Variants in GRB10 observed in about 807,000 individuals in gnomAD.
GRB10 encodes the protein growth factor receptor bound protein 10.
GRB10 carries 20 observed loss-of-function variants against 80.9 expected under a neutral mutation model. The observed-to-expected ratio is 0.25, with a 90% CI of 0.17 to 0.36. The LOEUF (loss-of-function observed/expected upper bound fraction) is 0.36. Ranked by LOEUF, GRB10 falls within the 10% of genes least tolerant of loss-of-function variation. The pLI, the probability that GRB10 is intolerant of heterozygous loss-of-function variation, is 1.00. For missense variants in GRB10, 548 were observed against 747.7 expected, an observed-to-expected ratio of 0.73 and a Z score of 3.12; for synonymous variants, 291 against 291.5, an observed-to-expected ratio of 1.00 and a Z score of 0.02.
At chr7:50,781,074 T>C (rs2078221294) in intron 1 of GRB10, 2 of 152,156 alleles carry the variant, frequency 1.3e-5, no homozygotes, top group African/African-American at 4.8e-5. Context: ...AATCGTGCAA[T>C]TACCATAACT....
intron 5 of GRB10, among the ~76,000 whole-genome samples, chr7:50,699,178 T>C (rs898567776): frequency 1.3e-5 from 2 of 152,192 alleles, no homozygotes; most frequent in African/African-American, 2.4e-5. Flanking sequence ...TGCTAACATA[T>C]CTGTGTAAAT....
chr7:50,604,634 T>C (rs1422474884), intron 15 of GRB10, among the ~76,000 whole-genome samples: 1 of 152,208 alleles, frequency 6.6e-6, no homozygotes, highest in East Asian at 1.9e-4. Flanking sequence ...AGACATACGA[T>C]GAAAACGCCA....
In GRB10 at chr7:50,780,740, A is replaced by C. The variant is rs2078193088; in HGVS notation, c.-326-4T>G. The C allele has an allele frequency of 6.6e-6, 1 of 152,256 alleles. No homozygotes were observed. Among genetic ancestry groups the C allele is most frequent in the African/African-American group, 2.4e-5 (1 of 41,468 alleles). 9.4% of individuals were successfully genotyped at this position (152,256 alleles called of 1,614,324 possible). A position where few individuals can be genotyped will look rare whatever the true frequency, so the allele number is the denominator to read the frequency against. ...ATCAGAATGCAGCCTCCCAAGTCTG[A>C]AAGAAAGGTAAAACCATTCTAGTCC... On this transcript the variant is annotated splice_region_variant and splice_polypyrimidine_tract_variant and intron_variant, in intron 1 of 18. Transcript: ENST00000401949.
At chr7:50,680,980 A>C (rs2061481536) in intron 5 of GRB10, among the ~76,000 whole-genome samples, 1 of 152,158 alleles carries the variant, frequency 6.6e-6, no homozygotes, top group South Asian at 2.1e-4. Flanking sequence ...CCTACTCAAC[A>C]ATTCTACAGA....
intron 7 of GRB10, among the ~76,000 whole-genome samples, chr7:50,667,885 G>A (rs193024709): frequency 1.8e-4 from 28 of 152,284 alleles, no homozygotes; most frequent in Middle Eastern, 3.4e-3. Context: ...ATCCCTGGGG[G>A]TGGAGGCCAA....
intron 3 of GRB10, among the ~76,000 whole-genome samples, chr7:50,751,868 T>C (rs2074162238): frequency 6.6e-6 from 1 of 152,248 alleles, no homozygotes; most frequent in African/African-American, 2.4e-5. Context: ...AATTAGTGAA[T>C]GGTGAGTCTT....
chr7:50,691,461 G>T (rs977791), intron 5 of GRB10, among the ~76,000 whole-genome samples: 104,217 of 152,096 alleles, frequency 0.69, 37,836 homozygotes, highest in East Asian at 0.91. Context: ...CTACCTCATA[G>T]GATAGGTAGA....
chr7:50,660,361 C>T (rs891449229), intron 7 of GRB10, among the ~76,000 whole-genome samples: 8 of 152,154 alleles, frequency 5.3e-5, no homozygotes, highest in Non-Finnish European at 7.4e-5. Context: ...AGCCATGGAG[C>T]CATGTCCATG....
At chr7:50,702,498 T>G (rs1451269239) in intron 5 of GRB10, among the ~76,000 whole-genome samples, 3 of 152,178 alleles carry the variant, frequency 2.0e-5, no homozygotes, top group Non-Finnish European at 4.4e-5. Context: ...TTACATGCTA[T>G]GTGTATGTAA....
intron 7 of GRB10, among the ~76,000 whole-genome samples, chr7:50,650,926 T>C (rs1479933958): frequency 1.3e-5 from 2 of 152,244 alleles, no homozygotes. Flanking sequence ...ATTTAGGATA[T>C]TGCAAATGTA....
upstream of GRB10, among the ~76,000 whole-genome samples, chr7:50,783,425 C>T (rs113572054): frequency 4.4e-4 from 29 of 66,538 alleles, no homozygotes; most frequent in South Asian, 0.014. Context: ...CACACACACC[C>T]CACACACACC....
chr7:50,727,751 C>G (rs1028745455), intron 4 of GRB10: 1 of 151,912 alleles, frequency 6.6e-6, no homozygotes, highest in Non-Finnish European at 1.5e-5. Context: ...AACTTACATT[C>G]TTAAAAATAA....
intron 7 of GRB10, among the ~76,000 whole-genome samples, chr7:50,648,077 G>A (rs921545380): frequency 7.9e-5 from 12 of 152,102 alleles, no homozygotes; most frequent in African/African-American, 2.7e-4. Context: ...GTAAACCGGG[G>A]AGTAATCAAC....
chr7:50,763,129 A>AG (rs1220983704), intron 2 of GRB10, among the ~76,000 whole-genome samples: 1 of 152,184 alleles, frequency 6.6e-6, no homozygotes, highest in East Asian at 1.9e-4. Flanking sequence ...AAAAAAAAAA[A>AG]AAAGCCTTGG....
At chr7:50,713,671 ACCT>A (rs889536041) in intron 4 of GRB10, among the ~76,000 whole-genome samples, 4 of 61,064 alleles carry the variant, frequency 6.6e-5, no homozygotes, top group Non-Finnish European at 1.3e-4. Context: ...CTCCACCACC[ACCT>A]CCACCTCCTC....
At chr7:50,789,090 G>C (rs535613522) in intron 1 of GRB10, among the ~76,000 whole-genome samples, 1 of 152,334 alleles carries the variant, frequency 6.6e-6, no homozygotes, top group South Asian at 2.1e-4. Flanking sequence ...AATTCTACCT[G>C]TGAGGAGTTC....
chr7:50,792,708 ACT>A (rs2078981290), intron 1 of GRB10: 1 of 358,460 alleles, frequency 2.8e-6, no homozygotes, highest in Non-Finnish European at 5.0e-6. Context: ...GTCTGGCACC[ACT>A]GTCCCGGACG....
At chr7:50,634,329 G>C (rs2054548418) in intron 7 of GRB10, among the ~76,000 whole-genome samples, 1 of 152,160 alleles carries the variant, frequency 6.6e-6, no homozygotes, top group Non-Finnish European at 1.5e-5. Context: ...GCCTTTCCCA[G>C]ATAAGCCAAT....
Position 50,631,207 on chromosome 7 carries a change from G to A in GRB10, c.505-4229C>T, listed in dbSNP as rs2153597124. Among the ~76,000 whole-genome samples the A allele has an allele frequency of 2.0e-5, 3 of 152,296 alleles. No homozygotes were observed. The South Asian group carries it at 6.2e-4, about 32-fold the overall frequency. Reference sequence around the variant, plus strand: ...TACAGGCTCAGGGAATCTCATGACTGCATCCAAAAGACCTCCTGACTGGCT... The same window carrying A: ...TACAGGCTCAGGGAATCTCATGACTACATCCAAAAGACCTCCTGACTGGCT... On this transcript the variant is annotated intron_variant, in intron 7 of 18. Transcript: ENST00000401949.
Sources: gnomAD v4.1 joint callset for allele counts (sites outside exome capture counted in the v4.1 genomes callset) on GRCh38, gnomAD v4.1.1 for gene constraint, MANE v1.5 for transcripts, NCBI Gene and HGNC (gene_info 2026-07-23, HGNC 2026-07-21) for gene names.